DOCK1: variants seen among roughly 807,000 people sequenced by gnomAD.
DOCK1 encodes the protein dedicator of cytokinesis 1, also known as dedicator of cytokinesis protein 1.
A neutral mutation model predicts 262.7 loss-of-function variants in DOCK1; 138 were observed. The observed-to-expected ratio is 0.53, with a 90% CI of 0.46 to 0.61. DOCK1 has a LOEUF of 0.61. Among genes scored for constraint, DOCK1 ranks in the 20% least tolerant of loss-of-function variants. The pLI, the probability that DOCK1 is intolerant of heterozygous loss-of-function variation, is 0.00. For missense variants in DOCK1, 1,908 were observed against 2,370.7 expected, an observed-to-expected ratio of 0.80 and a Z score of 4.05; for synonymous variants, 866 against 867.4, an observed-to-expected ratio of 1.00 and a Z score of 0.03.
At chr10:127,042,321 C>T (rs947536976) in intron 19 of DOCK1, among the ~76,000 whole-genome samples, 1 of 152,154 alleles carries the variant, frequency 6.6e-6, no homozygotes, top group African/African-American at 2.4e-5. Context: ...TGCCATTCAG[C>T]GCTTTGTCAC....
intron 27 of DOCK1, among the ~76,000 whole-genome samples, chr10:127,171,746 C>T (rs941952039): frequency 2.6e-5 from 4 of 152,126 alleles, no homozygotes; most frequent in African/African-American, 7.2e-5. Context: ...CTCTGTTGCC[C>T]AGGCTGGAGT....
At chr10:127,160,933 G>A (rs1021287637) in intron 27 of DOCK1, among the ~76,000 whole-genome samples, 83 of 152,106 alleles carry the variant, frequency 5.5e-4, no homozygotes, top group African/African-American at 2.0e-3. Flanking sequence ...CATCTTGAAG[G>A]GCTTTTTCAC....
At chr10:127,354,016 G>A (rs1441011796) in intron 31 of DOCK1, among the ~76,000 whole-genome samples, 3 of 151,684 alleles carry the variant, frequency 2.0e-5, no homozygotes, top group Non-Finnish European at 4.4e-5. Flanking sequence ...TTTTTCCTTA[G>A]GCAATAAAAG....
intron 29 of DOCK1, among the ~76,000 whole-genome samples, chr10:127,312,123 T>C (rs1037939549): frequency 5.9e-5 from 9 of 152,146 alleles, no homozygotes; most frequent in African/African-American, 2.2e-4. Context: ...TTTGTTTTCA[T>C]GGCATTCTGT....
chr10:127,323,475 A>G (rs182609752), intron 29 of DOCK1, among the ~76,000 whole-genome samples: 46 of 152,290 alleles, frequency 3.0e-4, no homozygotes, highest in African/African-American at 1.1e-3. Flanking sequence ...TCTCTGATGT[A>G]TCTTCTAAAA....
intron 27 of DOCK1, among the ~76,000 whole-genome samples, chr10:127,223,801 A>C (rs1264936285): frequency 6.6e-6 from 1 of 152,144 alleles, no homozygotes; most frequent in African/African-American, 2.4e-5. Context: ...TTTAGGCCTT[A>C]GCACCTTTTT....
intron 27 of DOCK1, among the ~76,000 whole-genome samples, chr10:127,169,904 G>A (rs1412563688): frequency 6.6e-6 from 1 of 152,018 alleles, no homozygotes; most frequent in African/African-American, 2.4e-5. Context: ...GTATTAACTC[G>A]TTCCATCCCT....
chr10:126,974,838 G>T (rs2038395386), intron 2 of DOCK1, among the ~76,000 whole-genome samples: 1 of 152,090 alleles, frequency 6.6e-6, no homozygotes. Flanking sequence ...TGGTGTGCGG[G>T]CTCACTTTGT....
At chr10:127,135,097 T>C (rs2050576860) in intron 27 of DOCK1, among the ~76,000 whole-genome samples, 1 of 152,172 alleles carries the variant, frequency 6.6e-6, no homozygotes, top group South Asian at 2.1e-4. Flanking sequence ...GTGGCAACAC[T>C]CAATGTATTT....
chr10:126,938,753 A>ATT, intron 1 of DOCK1, among the ~76,000 whole-genome samples: 1 of 144,770 alleles, frequency 6.9e-6, no homozygotes, highest in South Asian at 2.1e-4. Flanking sequence ...GGGGATGAAC[A>ATT]CCGGAGGGGA....
At chr10:127,050,886 C>T (rs2044681186) in intron 21 of DOCK1, among the ~76,000 whole-genome samples, 1 of 151,908 alleles carries the variant, frequency 6.6e-6, no homozygotes, top group Non-Finnish European at 1.5e-5. Flanking sequence ...TTGAGTAGAT[C>T]TATTATCATT....
intron 2 of DOCK1, among the ~76,000 whole-genome samples, chr10:126,974,099 G>A (rs957457520): frequency 5.3e-5 from 8 of 152,108 alleles, no homozygotes; most frequent in Admixed American, 1.3e-4. Context: ...GAGCTCATTC[G>A]TGCAGACCCC....
At chr10:126,928,327 C>A (rs980611685) in intron 1 of DOCK1, among the ~76,000 whole-genome samples, 1 of 152,098 alleles carries the variant, frequency 6.6e-6, no homozygotes, top group East Asian at 1.9e-4. Context: ...GGTGTCCATG[C>A]GTCCCAGGCC....
At chr10:127,238,878 C>G (rs1471356819) in intron 27 of DOCK1, among the ~76,000 whole-genome samples, 2 of 152,188 alleles carry the variant, frequency 1.3e-5, no homozygotes, top group Admixed American at 1.3e-4. Flanking sequence ...TGGCAGTGCT[C>G]TTCATGGTTT....
intron 4 of DOCK1, among the ~76,000 whole-genome samples, chr10:126,984,535 G>GT (rs1185507800): frequency 0.025 from 3,512 of 141,626 alleles, 160 homozygotes; most frequent in African/African-American, 0.08. Flanking sequence ...GTGTGTGTGT[G>GT]TTTTTTTTTT....
At chr10:127,357,531 T>C (rs997488374) in intron 32 of DOCK1, among the ~76,000 whole-genome samples, 1 of 152,212 alleles carries the variant, frequency 6.6e-6, no homozygotes, top group African/African-American at 2.4e-5. Context: ...AGGAGACTTT[T>C]GATTTGGAAA....
chr10:127,041,304 G>A (rs920954275), intron 19 of DOCK1, among the ~76,000 whole-genome samples: 1 of 152,112 alleles, frequency 6.6e-6, no homozygotes. Context: ...CTCCATGTTG[G>A]TCAGGCTGGT....
intron 1 of DOCK1, among the ~76,000 whole-genome samples, chr10:126,970,355 AAT>A (rs1392338484): frequency 6.6e-6 from 1 of 152,242 alleles, no homozygotes; most frequent in African/African-American, 2.4e-5. Flanking sequence ...GTTTCCAAAG[AAT>A]ATTCACTCCA....
At chr10:126,949,141 C>G (rs1393476175) in intron 1 of DOCK1, among the ~76,000 whole-genome samples, 3 of 152,036 alleles carry the variant, frequency 2.0e-5, no homozygotes, top group African/African-American at 7.2e-5. Flanking sequence ...CTCTGGGTTC[C>G]CCTCTGCACT....
Sources: gnomAD v4.1 joint callset for allele counts (sites outside exome capture counted in the v4.1 genomes callset) on GRCh38, gnomAD v4.1.1 for gene constraint, MANE v1.5 for transcripts, NCBI Gene and HGNC (gene_info 2026-07-23, HGNC 2026-07-21) for gene names.